The following SPIN1 variants were observed in gnomAD, a reference collection of about 807,000 sequenced individuals.
SPIN1 encodes spindlin 1.
Under a neutral mutation model 26.0 loss-of-function variants are expected in SPIN1, and 3 were observed. The observed-to-expected ratio is 0.12, with a 90% CI of 0.05 to 0.30. The LOEUF (loss-of-function observed/expected upper bound fraction) is 0.30. SPIN1 is among the 10% of genes least tolerant of loss of function. SPIN1 has a pLI of 1.00. For synonymous variants in SPIN1, 101 were observed against 116.5 expected, an observed-to-expected ratio of 0.87 and a Z score of 0.86; for missense variants, 126 against 333.4, an observed-to-expected ratio of 0.38 and a Z score of 4.84.
intron 2 of SPIN1, among the ~76,000 whole-genome samples, chr9:88,439,268 A>G (rs762841568): frequency 6.6e-6 from 1 of 152,176 alleles, no homozygotes; most frequent in Non-Finnish European, 1.5e-5. Context: ...GAATTCGTGT[A>G]AGAGAATGGT....
chr9:88,402,396 T>G (rs1827206363), intron 1 of SPIN1, among the ~76,000 whole-genome samples: 1 of 152,182 alleles, frequency 6.6e-6, no homozygotes, highest in Non-Finnish European at 1.5e-5. Flanking sequence ...CCTACTCTGC[T>G]AGAGAACATT....
intron 1 of SPIN1, among the ~76,000 whole-genome samples, chr9:88,419,829 C>T (rs540683692): frequency 5.9e-5 from 9 of 152,300 alleles, no homozygotes; most frequent in African/African-American, 2.2e-4. Flanking sequence ...TAAATGGAGC[C>T]ACTCATGCTG....
At chr9:88,470,363 C>CT (rs1268444666) in intron 5 of SPIN1, among the ~76,000 whole-genome samples, 1 of 152,068 alleles carries the variant, frequency 6.6e-6, no homozygotes, top group Non-Finnish European at 1.5e-5. Context: ...AATGGTAACT[C>CT]TATGTTTAAT....
rs1828926961 is a variant in SPIN1 at position 88,478,581 on chromosome 9, C to T, written c.*3304C>T. ...CAATGTGTAGACAGTTCCCTGTTCT[C>T]TGCATTTAGAAGTATACACAATATA... On this transcript the variant is annotated 3_prime_UTR_variant, in exon 6 of 6. Transcript: ENST00000375859. The T allele has an allele frequency of 6.6e-6, 1 of 152,290 alleles. No individual in the cohort carries two copies. The highest frequency in any genetic ancestry group is 2.4e-5 in the African/African-American group (1 of 41,440). The allele number at this position is 152,290 out of a possible 1,614,324, so 9.4% of individuals were successfully genotyped here. A position where few individuals can be genotyped will look rare whatever the true frequency, so the allele number is the denominator to read the frequency against.
intron 5 of SPIN1, among the ~76,000 whole-genome samples, chr9:88,469,008 C>G (rs1400996217): frequency 6.6e-6 from 1 of 152,052 alleles, no homozygotes; most frequent in Non-Finnish European, 1.5e-5. Context: ...GAATCTAATC[C>G]CAAGACATTG....
rs766007888 is a variant in SPIN1, at chr9:88,448,928, A to C, written c.53-13A>C. ...TCTGGTTTTCATTGACTATATACTC[A>C]TCTCTCTTACAGGCCATGCTGGAGT... On this transcript the variant is annotated splice_polypyrimidine_tract_variant and intron_variant, in intron 2 of 5. Coordinates refer to ENST00000375859, the MANE Select transcript of SPIN1 (RefSeq NM_006717.3). 3.1e-6 allele frequency: 5 copies of C among 1,612,804 alleles called. No homozygotes were observed. In the South Asian group the frequency reaches 4.4e-5, roughly 14 times the overall value.
chr9:88,451,479 G>A (rs963152031), intron 3 of SPIN1, among the ~76,000 whole-genome samples: 1 of 152,172 alleles, frequency 6.6e-6, no homozygotes, highest in African/African-American at 2.4e-5. Flanking sequence ...TGGTGTTTTG[G>A]GTGAAACTGG....
At chr9:88,431,049 AC>A (rs1220245905) in intron 2 of SPIN1, among the ~76,000 whole-genome samples, 1 of 151,584 alleles carries the variant, frequency 6.6e-6, no homozygotes, top group Non-Finnish European at 1.5e-5. Flanking sequence ...CACTCGGCTA[AC>A]TTTTTTGCAT....
intron 1 of SPIN1, among the ~76,000 whole-genome samples, chr9:88,394,576 A>G (rs1327595659): frequency 6.6e-6 from 1 of 152,166 alleles, no homozygotes; most frequent in East Asian, 1.9e-4. Flanking sequence ...TAATTGCATT[A>G]TCTTACAGTA....
chr9:88,470,449 TC>T (rs1828757626), intron 5 of SPIN1, among the ~76,000 whole-genome samples: 1 of 152,226 alleles, frequency 6.6e-6, no homozygotes, highest in African/African-American at 2.4e-5. Flanking sequence ...GTATGAGACT[TC>T]TGATTTCTCC....
intron 2 of SPIN1, among the ~76,000 whole-genome samples, chr9:88,431,448 G>A (rs1390204524): frequency 3.3e-5 from 5 of 150,476 alleles, no homozygotes; most frequent in African/African-American, 7.3e-5. Context: ...CCGCCACCAC[G>A]CCCGGCCAAT....
At chr9:88,433,504 G>A (rs1413002604) in intron 2 of SPIN1, among the ~76,000 whole-genome samples, 1 of 152,140 alleles carries the variant, frequency 6.6e-6, no homozygotes, top group African/African-American at 2.4e-5. Flanking sequence ...ATCCTAGCAT[G>A]ATCCTCTAGG....
At chr9:88,466,998 A>G (rs1328617750) in intron 4 of SPIN1, among the ~76,000 whole-genome samples, 2 of 152,174 alleles carry the variant, frequency 1.3e-5, no homozygotes, top group African/African-American at 2.4e-5. Flanking sequence ...TGGACTCCCA[A>G]AGTGCTAGGA....
chr9:88,476,421 C>A lies in SPIN1; in HGVS notation c.*1144C>A, dbSNP rs1828890390. Reference sequence around the variant, plus strand: ...GAGACTTTCAACCCACCCCTTCCTGCCTACCCCTGGCTTTTCCTCACAAAG... The same window carrying A: ...GAGACTTTCAACCCACCCCTTCCTGACTACCCCTGGCTTTTCCTCACAAAG... On this transcript the variant is annotated 3_prime_UTR_variant, in exon 6 of 6. Coordinates refer to ENST00000375859, the MANE Select transcript of SPIN1 (RefSeq NM_006717.3). 6.6e-6 allele frequency: 1 copy of A among 152,306 alleles called. No individual in the cohort carries two copies. The highest frequency in any genetic ancestry group is 2.1e-4 in the South Asian group (1 of 4,828). The allele number at this position is 152,306 out of a possible 1,614,324, so 9.4% of individuals were successfully genotyped here.
chr9:88,465,562 T>G (rs566138605), intron 4 of SPIN1, among the ~76,000 whole-genome samples: 1 of 152,338 alleles, frequency 6.6e-6, no homozygotes, highest in East Asian at 1.9e-4. Context: ...TTGAGCATCT[T>G]TTTATGTGCT....
chr9:88,447,254 T>G (rs1828270414), intron 2 of SPIN1, among the ~76,000 whole-genome samples: 1 of 152,208 alleles, frequency 6.6e-6, no homozygotes, highest in Admixed American at 6.5e-5. Flanking sequence ...CCATTTTGTA[T>G]TTTAAGTGTT....
At chr9:88,471,397 G>A (rs922612337) in intron 5 of SPIN1, among the ~76,000 whole-genome samples, 3 of 151,944 alleles carry the variant, frequency 2.0e-5, no homozygotes, top group Admixed American at 2.0e-4. Flanking sequence ...TTGCGCGGTG[G>A]CTCACACCTG....
At chr9:88,448,189 A>G (rs1242772109) in intron 2 of SPIN1, among the ~76,000 whole-genome samples, 1 of 151,688 alleles carries the variant, frequency 6.6e-6, no homozygotes, top group Non-Finnish European at 1.5e-5. Context: ...GATTACAGGC[A>G]TACGCCACCA....
rs538610273 is a variant in SPIN1 at position 88,466,543 on chromosome 9, A to T, written c.356-1829A>T. On this transcript the variant is annotated intron_variant, in intron 4 of 5. Transcript: ENST00000375859. ...AAACTAGTGGGGTTTTTTTACTGTC[A>T]TACACGGGGGGAATTCTGTGTAATT... 5.3e-5 allele frequency among the ~76,000 whole-genome samples: 8 copies of T among 152,272 alleles called. No individual in the cohort carries two copies. The South Asian group carries it at 1.5e-3, about 28-fold the overall frequency.
Sources: gnomAD v4.1 joint callset for allele counts (sites outside exome capture counted in the v4.1 genomes callset) on GRCh38, gnomAD v4.1.1 for gene constraint, MANE v1.5 for transcripts, NCBI Gene and HGNC (gene_info 2026-07-23, HGNC 2026-07-21) for gene names.